AFAP1L2: variants seen among roughly 807,000 people sequenced by gnomAD.
The protein encoded by AFAP1L2 is actin filament-associated protein 1-like 2.
In AFAP1L2, 46 loss-of-function variants were observed where a neutral mutation model predicts 99.3. The ratio of observed to expected loss-of-function variants is 0.46; its 90% CI spans 0.37 to 0.59. The LOEUF is 0.59. Among genes scored for constraint, AFAP1L2 ranks in the 20% least tolerant of loss-of-function variants. The pLI, the probability that AFAP1L2 is intolerant of heterozygous loss-of-function variation, is 0.00. For missense variants in AFAP1L2, 959 were observed against 1,034.9 expected (o/e 0.93, Z 1.01); for synonymous variants, 397 against 419.1 (o/e 0.95, Z 0.64).
At chr10:114,380,319 A>G (rs771757735) in intron 1 of AFAP1L2, among the ~76,000 whole-genome samples, 2 of 152,200 alleles carry the variant, frequency 1.3e-5, no homozygotes. Context: ...TTGAAAGGCA[A>G]TACTGCAGGT....
chr10:114,316,591 C>T (rs149945579), intron 5 of AFAP1L2, among the ~76,000 whole-genome samples: 68 of 152,300 alleles, frequency 4.5e-4, no homozygotes, highest in African/African-American at 1.5e-3. Context: ...AAATCATGCA[C>T]GATTCTACGC....
chr10:114,393,261 G>GCA (rs1377598727), intron 1 of AFAP1L2, among the ~76,000 whole-genome samples: 1 of 152,176 alleles, frequency 6.6e-6, no homozygotes, highest in Non-Finnish European at 1.5e-5. Context: ...TTCCTGCTTA[G>GCA]CACAAGAGGC....
chr10:114,360,548 G>GATAGATAC (rs2052215818), intron 1 of AFAP1L2, among the ~76,000 whole-genome samples: 5 of 150,120 alleles, frequency 3.3e-5, no homozygotes, highest in Admixed American at 3.3e-4. Flanking sequence ...TAGATAGATA[G>GATAGATAC]ATAGATAGAT....
chr10:114,339,629 C>T (rs1307114334), intron 2 of AFAP1L2, among the ~76,000 whole-genome samples: 2 of 152,108 alleles, frequency 1.3e-5, no homozygotes, highest in Non-Finnish European at 2.9e-5. Context: ...AATATGATTG[C>T]ATTTGGAGAT....
At chr10:114,313,743 A>T (rs905009112) in intron 7 of AFAP1L2, 128 bp downstream of exon 7, 1 of 967,698 alleles carries the variant, frequency 1.0e-6, no homozygotes. Flanking sequence ...TACCACTTAG[A>T]ACACAGGAAG....
chr10:114,334,875 C>T (rs1162782774), intron 2 of AFAP1L2, among the ~76,000 whole-genome samples: 2 of 152,228 alleles, frequency 1.3e-5, no homozygotes, highest in Non-Finnish European at 2.9e-5. Context: ...GGGCAAAGCA[C>T]CTAACCCTTG....
chr10:114,299,650 T>C (rs1003198161), intron 15 of AFAP1L2, among the ~76,000 whole-genome samples: 4 of 152,200 alleles, frequency 2.6e-5, no homozygotes, highest in Non-Finnish European at 5.9e-5. Context: ...TGCAAAGTAT[T>C]GTTGCTGGGT....
Position 114,299,243 on chromosome 10 carries a change from AC to A in AFAP1L2, c.2113+16del, listed in dbSNP as rs2040734855. The stretch of plus-strand genomic sequence containing the variant: ...CCCTCTGAGCTGAGGGTCCCTCCCC[AC>A]TGGGGGCCCCCTTACCTGTGCATTT... On this transcript the variant is annotated intron_variant, in intron 16 of 18. Transcript: ENST00000304129. 9 of 1,613,646 alleles carry A rather than the reference AC, an allele frequency of 5.6e-6. No homozygotes were observed. Among genetic ancestry groups the A allele is most frequent in the Non-Finnish European group, 7.6e-6 (9 of 1,179,828 alleles).
intron 1 of AFAP1L2, among the ~76,000 whole-genome samples, chr10:114,387,520 A>G (rs1336596096): frequency 1.3e-5 from 2 of 152,196 alleles, no homozygotes; most frequent in Admixed American, 1.3e-4. Flanking sequence ...TTTCACCACC[A>G]CTGGCTAGCA....
At chr10:114,384,471 C>T (rs1052339617) in intron 1 of AFAP1L2, among the ~76,000 whole-genome samples, 1 of 152,226 alleles carries the variant, frequency 6.6e-6, no homozygotes, top group Non-Finnish European at 1.5e-5. Flanking sequence ...TCACTGGGAA[C>T]ACTTGCCAGC....
intron 1 of AFAP1L2, among the ~76,000 whole-genome samples, chr10:114,381,958 A>T (rs2055686123): frequency 6.6e-6 from 1 of 152,184 alleles, no homozygotes; most frequent in South Asian, 2.1e-4. Flanking sequence ...TCAGGAAGAG[A>T]TCCCATAAAG....
At chr10:114,376,708 C>G (rs1336846068) in intron 1 of AFAP1L2, among the ~76,000 whole-genome samples, 1 of 152,204 alleles carries the variant, frequency 6.6e-6, no homozygotes, top group Non-Finnish European at 1.5e-5. Flanking sequence ...AATTCAGACC[C>G]TGATAATGCA....
In AFAP1L2 at chr10:114,296,001, G is replaced by A; in HGVS notation, c.*41C>T. The A allele has an allele frequency of 6.2e-7, 1 of 1,614,002 alleles. No homozygotes were observed. The highest frequency in any genetic ancestry group is 8.5e-7 in the Non-Finnish European group (1 of 1,179,926). On this transcript the variant is annotated 3_prime_UTR_variant, in exon 19 of 19. Coordinates refer to ENST00000304129, the MANE Select transcript of AFAP1L2 (RefSeq NM_001001936.3). Reference sequence around the variant, plus strand: ...TTTAACAAAGCAGGATTGTCACCAAGGTCCACATTGACATGAGAGTCTTTA... The same window carrying A: ...TTTAACAAAGCAGGATTGTCACCAAAGTCCACATTGACATGAGAGTCTTTA...
At chr10:114,325,135 C>T (rs1300255879) in intron 4 of AFAP1L2, among the ~76,000 whole-genome samples, 1 of 152,208 alleles carries the variant, frequency 6.6e-6, no homozygotes, top group Non-Finnish European at 1.5e-5. Flanking sequence ...ATAGATTTAA[C>T]CTTGGGTATG....
intron 12 of AFAP1L2, chr10:114,301,898 C>G (rs184347313): frequency 3.9e-6 from 1 of 256,246 alleles, no homozygotes; most frequent in African/African-American, 2.2e-5. Flanking sequence ...CCGGCTTCCA[C>G]GAGACTGGCT....
At chr10:114,341,386 G>T (rs1170619683) in intron 1 of AFAP1L2, among the ~76,000 whole-genome samples, 1 of 152,042 alleles carries the variant, frequency 6.6e-6, no homozygotes, top group Non-Finnish European at 1.5e-5. Context: ...GGCTGAGGCG[G>T]GTGGATCACA....
intron 1 of AFAP1L2, among the ~76,000 whole-genome samples, chr10:114,357,236 G>A (rs745952003): frequency 5.3e-5 from 8 of 152,196 alleles, no homozygotes; most frequent in Admixed American, 1.3e-4. Flanking sequence ...AGGACGCCTC[G>A]GATCCTCACC....
At chr10:114,342,084 A>G (rs11196704) in intron 1 of AFAP1L2, among the ~76,000 whole-genome samples, 92,961 of 152,118 alleles carry the variant, frequency 0.61, 33,146 homozygotes, top group East Asian at 0.85. Context: ...CATACTTCTG[A>G]GATTTGCCTT....
upstream of AFAP1L2, chr10:114,404,715 C>T: frequency 2.7e-6 from 1 of 372,498 alleles, no homozygotes; most frequent in Non-Finnish European, 4.6e-6. Flanking sequence ...TGAGTCGGTG[C>T]GCGCCCGCGG....
Sources: gnomAD v4.1 joint callset for allele counts (sites outside exome capture counted in the v4.1 genomes callset) on GRCh38, gnomAD v4.1.1 for gene constraint, MANE v1.5 for transcripts, NCBI Gene and HGNC (gene_info 2026-07-23, HGNC 2026-07-21) for gene names.